The following CLCA1 variants were observed in gnomAD, a reference collection of about 807,000 sequenced individuals.
CLCA1 encodes the protein calcium-activated chloride channel regulator 1.
CLCA1 carries 59 observed loss-of-function variants against 85.6 expected under a neutral mutation model. The observed-to-expected ratio is 0.69, with a 90% CI of 0.56 to 0.86. The LOEUF (loss-of-function observed/expected upper bound fraction) is 0.86, where lower values mean the gene tolerates loss of function less well. Ranked by LOEUF, CLCA1 falls within the 40% of genes least tolerant of loss-of-function variation. The pLI, the probability that CLCA1 is intolerant of heterozygous loss-of-function variation, is 0.00. For synonymous variants in CLCA1, 396 were observed against 398.3 expected (o/e 0.99, Z 0.07); for missense variants, 1,022 against 1,101.4 (o/e 0.93, Z 1.02).
Position 86,498,490 on chromosome 1 carries a change from G to A in CLCA1, c.2114-82G>A, listed in dbSNP as rs1019066467. The stretch of plus-strand genomic sequence containing the variant: ...GAAGCAGAAGTGGGGAACAGGAAGA[G>A]GGTGATCTGATAAGAAAACAGACGG... On this transcript the variant is annotated intron_variant, in intron 12 of 13. Coordinates refer to ENST00000394711, the MANE Select transcript of CLCA1 (RefSeq NM_001285.4). 5.8e-6 allele frequency: 8 copies of A among 1,389,100 alleles called. No individual in the cohort carries two copies. The East Asian group carries it at 6.9e-5, about 12-fold the overall frequency. The allele number at this position is 1,389,100 out of a possible 1,614,324, so 86.0% of individuals were successfully genotyped here.
At chr1:86,472,644 A>G (rs1213056651) in intron 1 of CLCA1, among the ~76,000 whole-genome samples, 2 of 152,238 alleles carry the variant, frequency 1.3e-5, no homozygotes, top group African/African-American at 4.8e-5. Context: ...TTAACGCTGC[A>G]GCTATTTCAT....
At chr1:86,495,985 T>C (rs1648272072) in intron 12 of CLCA1, among the ~76,000 whole-genome samples, 1 of 152,200 alleles carries the variant, frequency 6.6e-6, no homozygotes. Flanking sequence ...TGAAAATCAC[T>C]GGATAGAACA....
intron 12 of CLCA1, among the ~76,000 whole-genome samples, chr1:86,497,751 G>T (rs1333546136): frequency 6.6e-6 from 1 of 152,168 alleles, no homozygotes; most frequent in South Asian, 2.1e-4. Context: ...ATTCTTGAAG[G>T]TCCAGTTGAT....
In CLCA1 at chr1:86,473,533, A is replaced by T; in HGVS notation, c.279A>T (p.Arg93Ser). Reference sequence around the variant, plus strand: ...GGAAGACAAAGGCTGACTATGTGAGACCAAAACTTGAGACCTACAAAAATG... The same window carrying T: ...GGAAGACAAAGGCTGACTATGTGAGTCCAAAACTTGAGACCTACAAAAATG... ...ETWKTKADYVRPKLETYKNAD... is the reference protein window; with the variant it reads ...ETWKTKADYVSPKLETYKNAD... Residue 93 changes from arginine to serine, a missense_variant, in exon 2 of 14, where the codon AGA becomes AGT. Transcript: ENST00000394711. 1 of 1,605,958 alleles carries T rather than the reference A, an allele frequency of 6.2e-7. No individual in the cohort carries two copies. Among genetic ancestry groups the T allele is most frequent in the South Asian group, 1.1e-5 (1 of 89,664 alleles).
At chr1:86,484,416 C>T in intron 5 of CLCA1, among the ~76,000 whole-genome samples, 1 of 151,986 alleles carries the variant, frequency 6.6e-6, no homozygotes, top group East Asian at 1.9e-4. Flanking sequence ...AACTGACAGG[C>T]TATAGTGGGG....
chr1:86,475,807 A>T (rs1647624400), intron 3 of CLCA1, among the ~76,000 whole-genome samples: 1 of 152,146 alleles, frequency 6.6e-6, no homozygotes, highest in Admixed American at 6.5e-5. Context: ...TTGGGAAGGG[A>T]GTGGAGAACA....
At chr1:86,478,228 C>A (rs1647724731) in intron 4 of CLCA1, among the ~76,000 whole-genome samples, 1 of 151,968 alleles carries the variant, frequency 6.6e-6, no homozygotes, top group South Asian at 2.1e-4. Context: ...GAGTTCAAGA[C>A]CAGCCTGGCC....
intron 12 of CLCA1, among the ~76,000 whole-genome samples, chr1:86,498,134 A>T (rs12728122): frequency 1.4e-5 from 2 of 145,664 alleles, no homozygotes; most frequent in Non-Finnish European, 3.0e-5. Flanking sequence ...GCGAAACTCC[A>T]TCTCAAAAAC....
chr1:86,489,088 C>A lies in CLCA1; in HGVS notation c.1275C>A (p.Val425=), dbSNP rs1480317202. The A allele has an allele frequency of 1.9e-6, 3 of 1,614,040 alleles. No individual in the cohort carries two copies. The Admixed American group carries it at 5.0e-5, about 27-fold the overall frequency. Residue 425 remains valine, a synonymous_variant, in exon 8 of 14, where the codon GTC becomes GTA. Coordinates refer to ENST00000394711, the MANE Select transcript of CLCA1 (RefSeq NM_001285.4). ...CTATAAGTGGGTGCTTTAACGAGGT[C>A]AAACAAAGTGGTGCCATCATCCACA... ...DNTISGCFNE[V]KQSGAIIHTV...
chr1:86,479,845 A>G (rs1014154077), intron 4 of CLCA1, among the ~76,000 whole-genome samples: 1 of 152,178 alleles, frequency 6.6e-6, no homozygotes, highest in African/African-American at 2.4e-5. Flanking sequence ...AGATCATGCC[A>G]CTGCACTCCA....
In CLCA1 at chr1:86,486,516, C is replaced by A; in HGVS notation, c.955-10C>A. On this transcript the variant is annotated splice_polypyrimidine_tract_variant and intron_variant, in intron 6 of 13. Coordinates refer to ENST00000394711, the MANE Select transcript of CLCA1 (RefSeq NM_001285.4). The stretch of plus-strand genomic sequence containing the variant: ...AACGTAACCTGTTTTTCTTTTGCTT[C>A]TCCATTTAGACTGGTAACCGCCTCA... 8 of 1,611,612 alleles carry A rather than the reference C, an allele frequency of 5.0e-6. No homozygotes were observed. The highest frequency in any genetic ancestry group is 6.8e-6 in the Non-Finnish European group (8 of 1,178,782).
chr1:86,489,195 C>T (rs1648071928), intron 8 of CLCA1, 25 bp downstream of exon 8: 1 of 1,603,688 alleles, frequency 6.2e-7, no homozygotes, highest in African/African-American at 1.3e-5. Context: ...GCTGAGACCC[C>T]CGGTATTGTC....
At chr1:86,489,303 C>T (rs1648074934) in intron 8 of CLCA1, 133 bp downstream of exon 8, 2 of 784,914 alleles carry the variant, frequency 2.5e-6, no homozygotes, top group East Asian at 2.7e-5. Flanking sequence ...GCCACCCTTA[C>T]CCCTGAATGA....
Position 86,483,715 on chromosome 1 carries a change from A to G in CLCA1, c.735+1333A>G, listed in dbSNP as rs145030102. ...ATTCAGGTGCAGAGAGGTTAAGGTT[A>G]CTCAAAAAATAACAAAGTCATATTG... is the stretch of plus-strand genomic sequence containing the variant. On this transcript the variant is annotated intron_variant, in intron 5 of 13. Coordinates refer to ENST00000394711, the MANE Select transcript of CLCA1 (RefSeq NM_001285.4). Among the ~76,000 whole-genome samples, 305 of 152,320 alleles carry G rather than the reference A, an allele frequency of 2.0e-3. 1 individual carries two copies. Among genetic ancestry groups the G allele is most frequent in the African/African-American group, 6.4e-3 (266 of 41,572 alleles).
intron 2 of CLCA1, 73 bp downstream of exon 2, chr1:86,473,630 T>C: frequency 6.7e-7 from 1 of 1,483,138 alleles, no homozygotes; most frequent in African/African-American, 1.4e-5. Flanking sequence ...CAAAATATTC[T>C]AGAATCAAAT....
At chr1:86,495,742 C>A (rs1648266926) in intron 12 of CLCA1, 67 bp downstream of exon 12, 3 of 1,417,692 alleles carry the variant, frequency 2.1e-6, no homozygotes, top group African/African-American at 2.9e-5. Flanking sequence ...AACTATTAAG[C>A]CTGTGGGGCA....
intron 3 of CLCA1, among the ~76,000 whole-genome samples, chr1:86,475,963 G>A (rs1043652064): frequency 6.6e-6 from 1 of 152,178 alleles, no homozygotes; most frequent in South Asian, 2.1e-4. Context: ...AGTGGCAATG[G>A]GCCTGGAAAG....
Position 86,486,684 on chromosome 1 carries a change from C to A in CLCA1, c.1113C>A (p.Leu371=). 1.2e-6 allele frequency: 2 copies of A among 1,614,174 alleles called. No homozygotes were observed. Among genetic ancestry groups the A allele is most frequent in the Non-Finnish European group, 1.7e-6 (2 of 1,180,032 alleles). Reference sequence around the variant, plus strand: ...ACAGTGGCAGTGACAGGGACACACTCGCCAAAAGATTACCTGCAGCAGCTT... The same window carrying A: ...ACAGTGGCAGTGACAGGGACACACTAGCCAAAAGATTACCTGCAGCAGCTT... ...QINSGSDRDT[L]AKRLPAAASG... Residue 371 remains leucine (L), a synonymous_variant, in exon 7 of 14, where the codon CTC becomes CTA. Coordinates refer to ENST00000394711, the MANE Select transcript of CLCA1 (RefSeq NM_001285.4).
At chr1:86,479,543 G>A (rs1647523527) in intron 4 of CLCA1, among the ~76,000 whole-genome samples, 1 of 151,870 alleles carries the variant, frequency 6.6e-6, no homozygotes, top group Admixed American at 6.6e-5. Flanking sequence ...AGTAATAAAG[G>A]GAATTCTTAC....
Sources: gnomAD v4.1 joint callset for allele counts (sites outside exome capture counted in the v4.1 genomes callset) on GRCh38, gnomAD v4.1.1 for gene constraint, MANE v1.5 for transcripts, NCBI Gene and HGNC (gene_info 2026-07-23, HGNC 2026-07-21) for gene names.